Variants in MACROD2 observed in about 807,000 individuals in gnomAD.
MACROD2 encodes the protein mono-ADP ribosylhydrolase 2, also known as ADP-ribose glycohydrolase MACROD2.
A neutral mutation model predicts 70.4 loss-of-function variants in MACROD2; 36 were observed. The ratio of observed to expected loss-of-function variants is 0.51; its 90% CI spans 0.39 to 0.68. MACROD2 has a LOEUF of 0.68. Ranked by LOEUF, MACROD2 falls within the 30% of genes least tolerant of loss-of-function variation. The probability of loss-of-function intolerance (pLI) is 0.00; values close to 1 mark genes in which losing one functional copy is unlikely to be tolerated. For synonymous variants in MACROD2, 172 were observed against 178.8 expected (o/e 0.96, Z 0.30); for missense variants, 496 against 538.4 (o/e 0.92, Z 0.78).
intron 8 of MACROD2, among the ~76,000 whole-genome samples, chr20:15,747,062 A>G (rs566569501): frequency 1.3e-5 from 2 of 152,280 alleles, no homozygotes; most frequent in South Asian, 4.1e-4. Context: ...TTTATGGACC[A>G]TAAACAGGAG....
chr20:15,649,334 A>G (rs1355680108), intron 8 of MACROD2, among the ~76,000 whole-genome samples: 2 of 151,590 alleles, frequency 1.3e-5, no homozygotes, highest in Non-Finnish European at 2.9e-5. Flanking sequence ...TTCAATTATA[A>G]GAGTATAGCA....
intron 5 of MACROD2, among the ~76,000 whole-genome samples, chr20:15,122,054 GCTTTT>G (rs1465766527): frequency 2.6e-5 from 4 of 152,064 alleles, no homozygotes; most frequent in Non-Finnish European, 4.4e-5. Context: ...TTTTTAATGT[GCTTTT>G]CTTAACACAT....
At chr20:15,592,386 A>G (rs2048691876) in intron 8 of MACROD2, among the ~76,000 whole-genome samples, 1 of 152,226 alleles carries the variant, frequency 6.6e-6, no homozygotes, top group Non-Finnish European at 1.5e-5. Flanking sequence ...GAAGAGCTGC[A>G]TGTTTCTGCT....
intron 9 of MACROD2, among the ~76,000 whole-genome samples, chr20:15,868,933 C>A (rs553822530): frequency 1.8e-4 from 28 of 151,708 alleles, no homozygotes; most frequent in Non-Finnish European, 3.5e-4. Flanking sequence ...TACAGGCACA[C>A]TCCACCATGC....
intron 8 of MACROD2, among the ~76,000 whole-genome samples, chr20:15,782,565 G>A (rs958245599): frequency 4.6e-5 from 7 of 151,878 alleles, no homozygotes; most frequent in African/African-American, 1.5e-4. Flanking sequence ...CTAAGAGAGA[G>A]ACAGTGGAAG....
At chr20:14,937,245 G>A (rs563465928) in intron 5 of MACROD2, among the ~76,000 whole-genome samples, 4 of 152,120 alleles carry the variant, frequency 2.6e-5, no homozygotes, top group East Asian at 3.9e-4. Flanking sequence ...GTGAGTGGAG[G>A]CAGTTGGTGA....
intron 3 of MACROD2, among the ~76,000 whole-genome samples, chr20:14,237,090 A>G (rs986212737): frequency 2.6e-5 from 4 of 152,170 alleles, no homozygotes; most frequent in African/African-American, 9.6e-5. Context: ...TAATTAGAAG[A>G]TAATATTTCA....
chr20:15,617,094 T>A (rs543947088), intron 8 of MACROD2, among the ~76,000 whole-genome samples: 1 of 152,346 alleles, frequency 6.6e-6, no homozygotes, highest in South Asian at 2.1e-4. Flanking sequence ...TTTTGCGGAA[T>A]AATCCCTGCT....
intron 5 of MACROD2, among the ~76,000 whole-genome samples, chr20:15,068,838 G>C (rs2075597658): frequency 6.6e-6 from 1 of 152,168 alleles, no homozygotes; most frequent in Non-Finnish European, 1.5e-5. Context: ...GTGGGGCATT[G>C]CTGTAAAGAT....
intron 6 of MACROD2, among the ~76,000 whole-genome samples, chr20:15,402,503 G>A (rs2045944381): frequency 6.6e-6 from 1 of 152,194 alleles, no homozygotes; most frequent in Non-Finnish European, 1.5e-5. Flanking sequence ...GATTCATAGG[G>A]ATGGCTGAAT....
intron 8 of MACROD2, among the ~76,000 whole-genome samples, chr20:15,625,376 G>A (rs2049187013): frequency 6.6e-6 from 1 of 152,110 alleles, no homozygotes; most frequent in East Asian, 1.9e-4. Flanking sequence ...TGCTGGGTTC[G>A]GCTCTAGGGA....
chr20:14,677,830 T>G (rs2070880477), intron 4 of MACROD2, among the ~76,000 whole-genome samples: 1 of 152,142 alleles, frequency 6.6e-6, no homozygotes, highest in Non-Finnish European at 1.5e-5. Context: ...CCAGCATGAT[T>G]AAGGACTCTG....
intron 5 of MACROD2, among the ~76,000 whole-genome samples, chr20:15,138,176 C>G (rs1017616137): frequency 6.6e-6 from 1 of 152,074 alleles, no homozygotes; most frequent in Non-Finnish European, 1.5e-5. Flanking sequence ...TATTAATACA[C>G]AGAAGATTCC....
intron 12 of MACROD2, among the ~76,000 whole-genome samples, chr20:15,949,426 C>T (rs1568661866): frequency 6.6e-6 from 1 of 152,096 alleles, no homozygotes; most frequent in South Asian, 2.1e-4. Context: ...GGTTCAGTAA[C>T]AGGTAACATT....
intron 1 of MACROD2, among the ~76,000 whole-genome samples, chr20:13,996,678 T>C (rs921950603): frequency 1.3e-5 from 2 of 152,200 alleles, no homozygotes; most frequent in Non-Finnish European, 2.9e-5. Flanking sequence ...GCTTATCCCA[T>C]CACAGTTTGG....
chr20:14,399,065 G>C (rs2083610534), intron 3 of MACROD2, among the ~76,000 whole-genome samples: 1 of 150,346 alleles, frequency 6.7e-6, no homozygotes, highest in African/African-American at 2.4e-5. Context: ...TGTTTCCCAG[G>C]CTGGAGTGCA....
intron 5 of MACROD2, among the ~76,000 whole-genome samples, chr20:14,853,875 T>C (rs79651657): frequency 0.14 from 21,063 of 152,106 alleles, 1,568 homozygotes; most frequent in Middle Eastern, 0.26. Context: ...ATTTAATGAG[T>C]AATAAGGAAA....
At chr20:14,652,991 C>A (rs917597592) in intron 4 of MACROD2, among the ~76,000 whole-genome samples, 1 of 152,112 alleles carries the variant, frequency 6.6e-6, no homozygotes, top group African/African-American at 2.4e-5. Flanking sequence ...CAGTCTCTGC[C>A]CCATCATTTA....
At chr20:15,351,696 C>G (rs1244007277) in intron 6 of MACROD2, among the ~76,000 whole-genome samples, 2 of 152,174 alleles carry the variant, frequency 1.3e-5, no homozygotes, top group Non-Finnish European at 2.9e-5. Context: ...CCCCTCTTCC[C>G]AAACATGCAG....
Sources: gnomAD v4.1 joint callset for allele counts (sites outside exome capture counted in the v4.1 genomes callset) on GRCh38, gnomAD v4.1.1 for gene constraint, MANE v1.5 for transcripts, NCBI Gene and HGNC (gene_info 2026-07-23, HGNC 2026-07-21) for gene names.